Variants in TCF20 observed in about 807,000 individuals in gnomAD.
TCF20 encodes SPRE-binding protein.
In TCF20, 3 loss-of-function variants were observed where a neutral mutation model predicts 148.6. That is an observed-to-expected ratio of 0.02 (90% confidence interval 0.01 to 0.05). The LOEUF is 0.05. TCF20 is among the 10% of genes least tolerant of loss of function. The pLI, the probability that TCF20 is intolerant of heterozygous loss-of-function variation, is 1.00. For synonymous variants in TCF20, 1,049 were observed against 909.5 expected, an observed-to-expected ratio of 1.15 and a Z score of -2.76; for missense variants, 2,350 against 2,429.3, an observed-to-expected ratio of 0.97 and a Z score of 0.69.
chr22:42,240,878 G>A (rs1006724520), intron 1 of TCF20, among the ~76,000 whole-genome samples: 1 of 151,526 alleles, frequency 6.6e-6, no homozygotes, highest in African/African-American at 2.4e-5. Flanking sequence ...TTCTGAGACA[G>A]AGTCTTGCTC....
rs1927260980 is a variant in TCF20 at position 42,297,725 on chromosome 22, A to G, written c.-37+45754T>C. ...ACACAATTCAGACAAATGTGTGTGG[A>G]CTCCCCTCTTGCCCCACAAACCACA... On this transcript the variant is annotated intron_variant, in intron 1 of 1. Coordinates refer to the TCF20 transcript ENST00000515426. This position sits in a 1 kb window ranked among gnomAD's most constrained non-coding sequence, Gnocchi z 4.3. Among the ~76,000 whole-genome samples the G allele has an allele frequency of 1.3e-5, 2 of 151,820 alleles. No individual in the cohort carries two copies. Among genetic ancestry groups the G allele is most frequent in the African/African-American group, 4.8e-5 (2 of 41,282 alleles).
At chr22:42,194,609 G>A (rs74909671) in intron 2 of TCF20, among the ~76,000 whole-genome samples, 1,760 of 151,934 alleles carry the variant, frequency 0.012, 37 homozygotes, top group African/African-American at 0.04. Flanking sequence ...GGGTGGGGGC[G>A]GGGGTAGCGG....
At chr22:42,269,311 A>G (rs1484258160) in intron 1 of TCF20, among the ~76,000 whole-genome samples, 1 of 152,172 alleles carries the variant, frequency 6.6e-6, no homozygotes, top group East Asian at 1.9e-4. Flanking sequence ...AAAAAAAGCA[A>G]AAAGGAAAAG....
chr22:42,189,957 G>T (rs1286341798), intron 2 of TCF20, among the ~76,000 whole-genome samples: 1 of 152,140 alleles, frequency 6.6e-6, no homozygotes, highest in Non-Finnish European at 1.5e-5. Flanking sequence ...TCACTGGAGC[G>T]GAGCTGTCCA....
At position 42,214,934 on chromosome 22, in the gene TCF20, G is replaced by A. The variant is rs988803925; in HGVS notation, c.372C>T (p.Ser124=). 1.2e-6 allele frequency: 2 copies of A among 1,614,086 alleles called. No homozygotes were observed. Among genetic ancestry groups the A allele is most frequent in the African/African-American group, 1.3e-5 (1 of 74,932 alleles). ...PVQSYGPPQG[S]SFGNQYGSEG... ...CACTCCCATACTGATTGCCAAAGCT[G>A]CTCCCCTGGGGGGGTCCATAGCTCT... The change falls in exon 2 of 6, where the codon AGC becomes AGT. Residue 124 remains serine, a synonymous_variant. Coordinates refer to ENST00000677622, the MANE Select transcript of TCF20 (RefSeq NM_001378418.1).
intron 1 of TCF20, among the ~76,000 whole-genome samples, chr22:42,307,038 T>G (rs1601701070): frequency 1.1e-5 from 1 of 92,762 alleles, no homozygotes; most frequent in Non-Finnish European, 2.1e-5. Context: ...GACTCTGTCT[T>G]AAAAAAAAAA....
chr22:42,174,840 C>T (rs1936344216), intron 3 of TCF20, among the ~76,000 whole-genome samples: 3 of 151,990 alleles, frequency 2.0e-5, no homozygotes, highest in Admixed American at 6.6e-5. Flanking sequence ...TCGAGACCAT[C>T]CCGGCTAACA....
At chr22:42,246,590 T>C (rs767613872) in intron 1 of TCF20, among the ~76,000 whole-genome samples, 3 of 152,228 alleles carry the variant, frequency 2.0e-5, no homozygotes, top group Non-Finnish European at 2.9e-5. Flanking sequence ...ATGTGTTCAA[T>C]GCACCGTAGA....
intron 1 of TCF20, among the ~76,000 whole-genome samples, chr22:42,331,504 C>T (rs927793502): frequency 6.6e-6 from 1 of 152,284 alleles, no homozygotes; most frequent in African/African-American, 2.4e-5. Flanking sequence ...GGACCCCCAT[C>T]ACCAGCCCTA....
rs530383968 is a variant in TCF20, at chr22:42,290,416, G to T, written c.-37+53063C>A. Among the ~76,000 whole-genome samples the T allele has an allele frequency of 6.6e-6, 1 of 152,330 alleles. No homozygotes were observed. The highest frequency in any genetic ancestry group is 1.9e-4 in the East Asian group (1 of 5,184). ...GAGAATCGTTCAGAATCTTTCATCT[G>T]CTCAAAATATAAAAACCCCAGTGAA... On this transcript the variant is annotated intron_variant, in intron 1 of 1. Coordinates refer to the TCF20 transcript ENST00000515426. This position sits in a 1 kb window ranked among gnomAD's most constrained non-coding sequence, Gnocchi z 4.2.
intron 1 of TCF20, among the ~76,000 whole-genome samples, chr22:42,293,749 C>A (rs754382215): frequency 6.6e-6 from 1 of 152,236 alleles, no homozygotes; most frequent in Non-Finnish European, 1.5e-5. Context: ...GGCCTGTAAT[C>A]CCAGCACTTT....
chr22:42,183,957 T>C (rs1936917352), intron 2 of TCF20, among the ~76,000 whole-genome samples: 1 of 151,988 alleles, frequency 6.6e-6, no homozygotes, highest in South Asian at 2.1e-4. Context: ...TTAGTAGAGA[T>C]GAGGTTTCAC....
chr22:42,193,253 A>C, intron 2 of TCF20, among the ~76,000 whole-genome samples: 1 of 151,530 alleles, frequency 6.6e-6, no homozygotes, highest in East Asian at 2.0e-4. Context: ...AATCCTGCAT[A>C]ATTCCTCAAT....
At chr22:42,284,105 G>A (rs1013973329), upstream of TCF20, among the ~76,000 whole-genome samples, 3 of 152,092 alleles carry the variant, frequency 2.0e-5, no homozygotes, top group Non-Finnish European at 4.4e-5. Flanking sequence ...GGAGATGGAG[G>A]AGCAGCGGGG....
chr22:42,256,150 A>G (rs1003388934), intron 1 of TCF20, among the ~76,000 whole-genome samples: 1 of 152,152 alleles, frequency 6.6e-6, no homozygotes, highest in Admixed American at 6.6e-5. Flanking sequence ...AGGAGGGAGC[A>G]GCCTCTTGCC....
In TCF20 at chr22:42,160,935, T is replaced by C; in HGVS notation, c.*468A>G. On this transcript the variant is annotated 3_prime_UTR_variant, in exon 6 of 6. Coordinates refer to ENST00000677622, the MANE Select transcript of TCF20 (RefSeq NM_001378418.1). ...GGTTTGTTCAGTTCAATCTCACATT[T>C]AAATTTCACTTGTCATCGGAACAAA... is the stretch of plus-strand genomic sequence containing the variant. The C allele has an allele frequency of 6.1e-6, 1 of 163,850 alleles. No individual in the cohort carries two copies. Among genetic ancestry groups the C allele is most frequent in the East Asian group, 1.7e-4 (1 of 5,902 alleles). 10.1% of individuals were successfully genotyped at this position (163,850 alleles called of 1,614,324 possible).
rs193214915 is a variant in TCF20, at chr22:42,223,206, G to A, written c.-36-7865C>T. ...GCAATCTATATATGTTAGTCACTGT[G>A]TGGTTTTACCTGTAACTCAATTAAT... On this transcript the variant is annotated intron_variant, in intron 1 of 5. Coordinates refer to ENST00000677622, the MANE Select transcript of TCF20 (RefSeq NM_001378418.1). 1.5e-3 allele frequency among the ~76,000 whole-genome samples: 227 copies of A among 152,280 alleles called. 1 individual carries two copies. The highest frequency in any genetic ancestry group is 0.014 in the Middle Eastern group (4 of 294).
intron 5 of TCF20, among the ~76,000 whole-genome samples, chr22:42,166,168 G>C (rs1170312769): frequency 6.6e-6 from 1 of 152,222 alleles, no homozygotes; most frequent in Admixed American, 6.5e-5. Context: ...ATTTCAGATG[G>C]ACAGGACTGG....
upstream of TCF20, among the ~76,000 whole-genome samples, chr22:42,286,750 G>C (rs934598883): frequency 2.6e-5 from 4 of 152,134 alleles, no homozygotes; most frequent in African/African-American, 9.7e-5. Context: ...TTGAAGCAGG[G>C]TAACACTCTT....
Sources: gnomAD v4.1 joint callset for allele counts (sites outside exome capture counted in the v4.1 genomes callset) on GRCh38, gnomAD v4.1.1 for gene constraint, Gnocchi (gnomAD v3.1) non-coding constraint, MANE v1.5 for transcripts, NCBI Gene and HGNC (gene_info 2026-07-23, HGNC 2026-07-21) for gene names.